RANBP17: variants seen among roughly 807,000 people sequenced by gnomAD.
RANBP17 encodes the protein RAN binding protein 17.
RANBP17 carries 158 observed loss-of-function variants against 141.2 expected under a neutral mutation model. The observed-to-expected ratio is 1.12, with a 90% CI of 0.98 to 1.28. RANBP17 has a LOEUF of 1.28. Among genes scored for constraint, RANBP17 ranks in the 50% most tolerant of loss-of-function variants. The probability of loss-of-function intolerance (pLI) is 0.00; values close to 1 mark genes in which losing one functional copy is unlikely to be tolerated. For synonymous variants in RANBP17, 430 were observed against 450.0 expected (o/e 0.96, Z 0.56); for missense variants, 1,438 against 1,290.7 (o/e 1.11, Z -1.75).
At chr5:171,242,565 G>A (rs1037662962) in intron 23 of RANBP17, 117 bp from the exon 24 acceptor site, 1 of 1,052,636 alleles carries the variant, frequency 9.5e-7, no homozygotes, top group Non-Finnish European at 1.4e-6. Context: ...TATATTTATT[G>A]ACCTTGTGTT....
chr5:171,054,364 T>A (rs1301875441), intron 14 of RANBP17, among the ~76,000 whole-genome samples: 1 of 152,172 alleles, frequency 6.6e-6, no homozygotes, highest in Non-Finnish European at 1.5e-5. Flanking sequence ...AGGGATTGAT[T>A]ATTCATTAGT....
At chr5:171,058,227 T>G (rs1328638321) in intron 14 of RANBP17, among the ~76,000 whole-genome samples, 1 of 151,718 alleles carries the variant, frequency 6.6e-6, no homozygotes, top group Non-Finnish European at 1.5e-5. Context: ...TAGTTACATA[T>G]GTATACATAT....
chr5:170,915,947 T>A lies in RANBP17; in HGVS notation c.835-518T>A, dbSNP rs1057511673. 2.6e-5 allele frequency among the ~76,000 whole-genome samples: 4 copies of A among 151,988 alleles called. No homozygotes were observed. The South Asian group carries it at 8.3e-4, about 32-fold the overall frequency. On this transcript the variant is annotated intron_variant, in intron 8 of 27. Transcript: ENST00000523189. ...GGCTGATTTTGTTAATGAAAAAACATTAGAGGGGAATACATACAAATAGGA... is the reference window on the plus strand; with the variant it reads ...GGCTGATTTTGTTAATGAAAAAACAATAGAGGGGAATACATACAAATAGGA...
Position 171,013,278 on chromosome 5 carries a change from G to A in RANBP17, c.1710+44901G>A, listed in dbSNP as rs190305284. ...TCCAGCCTTCGTGGAGCATCAGACT[G>A]AAGCAGAGCTCTCAACTATTGGACT... On this transcript the variant is annotated intron_variant, in intron 14 of 27. Coordinates refer to ENST00000523189, the MANE Select transcript of RANBP17 (RefSeq NM_022897.5). Among the ~76,000 whole-genome samples, 870 of 152,266 alleles carry A rather than the reference G, an allele frequency of 5.7e-3. 6 individuals carry two copies. The highest frequency in any genetic ancestry group is 9.9e-3 in the Non-Finnish European group (676 of 67,998).
At chr5:170,880,976 A>G (rs1024460856) in intron 2 of RANBP17, among the ~76,000 whole-genome samples, 4 of 152,212 alleles carry the variant, frequency 2.6e-5, no homozygotes, top group African/African-American at 9.6e-5. Flanking sequence ...TTAGCTATTC[A>G]ATTCTGCCAT....
chr5:171,258,095 A>G (rs560678776), intron 24 of RANBP17, among the ~76,000 whole-genome samples: 1 of 146,504 alleles, frequency 6.8e-6, no homozygotes, highest in African/African-American at 2.6e-5. Flanking sequence ...AACAAGAGCA[A>G]AACTCCATCT....
chr5:171,059,029 AT>A, intron 14 of RANBP17, among the ~76,000 whole-genome samples: 2 of 150,062 alleles, frequency 1.3e-5, no homozygotes, highest in South Asian at 4.2e-4. Context: ...TTTCTTGTAA[AT>A]TTGTTTGAGT....
chr5:171,005,784 A>C (rs1175100685), intron 14 of RANBP17, among the ~76,000 whole-genome samples: 1 of 152,212 alleles, frequency 6.6e-6, no homozygotes. Context: ...CAGCAAAAGA[A>C]ACTACCATCA....
chr5:171,201,655 G>C (rs1268581554), intron 19 of RANBP17, among the ~76,000 whole-genome samples: 1 of 152,250 alleles, frequency 6.6e-6, no homozygotes, highest in Non-Finnish European at 1.5e-5. Flanking sequence ...GGCTGCATTT[G>C]TTGTGACAGA....
intron 5 of RANBP17, among the ~76,000 whole-genome samples, chr5:170,906,584 A>G (rs1371111442): frequency 9.9e-5 from 15 of 151,964 alleles, no homozygotes; most frequent in Admixed American, 9.8e-4. Flanking sequence ...TAATTAATAC[A>G]TATTTTGTGA....
intron 14 of RANBP17, among the ~76,000 whole-genome samples, chr5:171,098,224 A>C (rs1270450239): frequency 6.6e-6 from 1 of 152,142 alleles, no homozygotes; most frequent in Non-Finnish European, 1.5e-5. Context: ...TGTCTTCCAC[A>C]ATGGTTGAAT....
intron 14 of RANBP17, among the ~76,000 whole-genome samples, chr5:171,118,438 T>C (rs1385776999): frequency 6.6e-6 from 1 of 152,154 alleles, no homozygotes; most frequent in African/African-American, 2.4e-5. Flanking sequence ...GTGAAGAATG[T>C]CATTGGCATT....
chr5:170,923,112 C>A lies in RANBP17; in HGVS notation c.1275-1245C>A, dbSNP rs374182559. 4.1e-4 allele frequency among the ~76,000 whole-genome samples: 63 copies of A among 152,098 alleles called. 1 individual carries two copies. In the South Asian group the frequency reaches 0.013, roughly 31 times the overall value. The stretch of plus-strand genomic sequence containing the variant: ...GTCACAGAGATTTTTCTTTTATTTT[C>A]CCTTCTAGGAGTTTTATTGTCTTAG... On this transcript the variant is annotated intron_variant, in intron 11 of 27. Coordinates refer to ENST00000523189, the MANE Select transcript of RANBP17 (RefSeq NM_022897.5).
chr5:171,147,957 G>T (rs899258351), intron 14 of RANBP17, among the ~76,000 whole-genome samples: 1 of 152,188 alleles, frequency 6.6e-6, no homozygotes, highest in Admixed American at 6.5e-5. Flanking sequence ...AGGCGGGAAA[G>T]GTGGGCAAAA....
At chr5:170,893,568 C>G (rs374182012) in intron 4 of RANBP17, among the ~76,000 whole-genome samples, 1 of 151,776 alleles carries the variant, frequency 6.6e-6, no homozygotes, top group Non-Finnish European at 1.5e-5. Flanking sequence ...CCAAGGCGTG[C>G]GGATCATGAG....
chr5:171,271,611 TTATG>T, intron 25 of RANBP17: 1 of 209,014 alleles, frequency 4.8e-6, no homozygotes, highest in Non-Finnish European at 9.7e-6. Flanking sequence ...AATATGCTCT[TTATG>T]TAACCCATTA....
chr5:171,017,167 T>G (rs1780496196), intron 14 of RANBP17, among the ~76,000 whole-genome samples: 1 of 152,208 alleles, frequency 6.6e-6, no homozygotes, highest in African/African-American at 2.4e-5. Flanking sequence ...GATGGGCATT[T>G]AAGTTGGTTC....
chr5:171,132,916 G>C (rs990979703), intron 14 of RANBP17, among the ~76,000 whole-genome samples: 1 of 151,278 alleles, frequency 6.6e-6, no homozygotes, highest in African/African-American at 2.4e-5. Context: ...ACGGAGTTTC[G>C]CTCTTGTTGC....
intron 22 of RANBP17, among the ~76,000 whole-genome samples, chr5:171,240,726 A>AT (rs1764819062): frequency 6.6e-6 from 1 of 152,096 alleles, no homozygotes; most frequent in Non-Finnish European, 1.5e-5. Flanking sequence ...AAGGATATTG[A>AT]TTTTTCCTTG....
Sources: allele counts gnomAD v4.1 joint callset (sites outside exome capture counted in the v4.1 genomes callset), GRCh38; gene constraint gnomAD v4.1.1; transcripts MANE v1.5; gene names NCBI Gene and HGNC (gene_info 2026-07-23, HGNC 2026-07-21).